The following GRIA3 variants were observed in gnomAD, a reference collection of about 807,000 sequenced individuals.
GRIA3 encodes glutamate ionotropic receptor AMPA type subunit 3.
GRIA3 carries 3 observed loss-of-function variants against 63.0 expected under a neutral mutation model. That is an observed-to-expected ratio of 0.05 (90% confidence interval 0.02 to 0.12). The LOEUF is 0.12. Among genes scored for constraint, GRIA3 ranks in the 10% least tolerant of loss-of-function variants. The probability of loss-of-function intolerance (pLI) is 1.00; values close to 1 mark genes in which losing one functional copy is unlikely to be tolerated. For missense variants in GRIA3, 347 were observed against 700.9 expected (o/e 0.50, Z 5.70); for synonymous variants, 274 against 257.9 (o/e 1.06, Z -0.60).
intron 3 of GRIA3, among the ~76,000 whole-genome samples, chrX:123,319,768 T>A (rs1173652904): frequency 1.9e-5 from 2 of 105,011 alleles, no homozygotes; most frequent in Non-Finnish European, 3.9e-5. Flanking sequence ...TCTTGAAACA[T>A]GCCTTTCTCA....
intron 2 of GRIA3, chrX:123,202,908 C>A: frequency 2.9e-6 from 2 of 698,391 alleles, no homozygotes; most frequent in Non-Finnish European, 4.2e-6. Context: ...AAATTCCAGG[C>A]AAGTCAAAGT....
At chrX:123,378,553 G>A (rs1366469261) in intron 5 of GRIA3, among the ~76,000 whole-genome samples, 1 of 109,411 alleles carries the variant, frequency 9.1e-6, no homozygotes, top group Non-Finnish European at 1.9e-5. Flanking sequence ...TGGGACTACA[G>A]GTGTGCACCA....
chrX:123,185,854 A>T lies in GRIA3; in HGVS notation c.132A>T (p.Thr44=), dbSNP rs1362682009. The change falls in exon 2 of 16, where the codon ACA becomes ACT. Residue 44 remains threonine, a synonymous_variant. Transcript: ENST00000620443. ...TAGGTGGACTTTTCATGAGAAACAC[A>T]GTGCAGGAGCACAGCGCTTTCCGCT... ...ISIGGLFMRN[T]VQEHSAFRFA... 1.7e-6 allele frequency: 2 copies of T among 1,210,610 alleles called. No individual in the cohort carries two copies. Among genetic ancestry groups the T allele is most frequent in the Admixed American group, 4.3e-5 (2 of 46,062 alleles).
intron 12 of GRIA3, among the ~76,000 whole-genome samples, chrX:123,430,054 C>G (rs1447817375): frequency 1.8e-5 from 2 of 111,867 alleles, no homozygotes; most frequent in African/African-American, 6.5e-5. Flanking sequence ...TATTCTGTGT[C>G]TTTCTCAAAA....
intron 12 of GRIA3, among the ~76,000 whole-genome samples, chrX:123,460,841 A>T (rs1329600706): frequency 3.6e-5 from 4 of 111,940 alleles, no homozygotes; most frequent in African/African-American, 1.3e-4. Flanking sequence ...TACAATGCTT[A>T]AAAATTGTCT....
chrX:123,379,457 T>C (rs1446889881), intron 5 of GRIA3, among the ~76,000 whole-genome samples: 1 of 110,187 alleles, frequency 9.1e-6, no homozygotes, highest in African/African-American at 3.3e-5. Context: ...TGCTCTCTTC[T>C]CTCTTACCAC....
At chrX:123,326,318 C>A in intron 4 of GRIA3, 105 bp downstream of exon 4, 12 of 545,693 alleles carry the variant, frequency 2.2e-5, no homozygotes, top group East Asian at 1.2e-4. Flanking sequence ...CTAAACGTGC[C>A]AACAGTTTTT....
intron 12 of GRIA3, among the ~76,000 whole-genome samples, chrX:123,446,535 T>C (rs746024853): frequency 2.7e-4 from 30 of 112,451 alleles, no homozygotes; most frequent in Non-Finnish European, 4.3e-4. Context: ...AGGAAGGCTC[T>C]TAATCAAATA....
In GRIA3 at chrX:123,230,308, G is replaced by A. The variant is rs541276326; in HGVS notation, c.269-22995G>A. ...GCAATTTTCCTAATTCACCCTTAAA[G>A]TCCTAATGGAAACTAACCCATCTTG... On this transcript the variant is annotated intron_variant, in intron 2 of 15. Coordinates refer to ENST00000620443, the MANE Select transcript of GRIA3 (RefSeq NM_007325.5). 1.0e-3 allele frequency among the ~76,000 whole-genome samples: 117 copies of A among 112,124 alleles called. 1 individual carries two copies. Among genetic ancestry groups the A allele is most frequent in the Middle Eastern group, 4.6e-3 (1 of 217 alleles).
At chrX:123,308,284 A>C (rs2044767816) in intron 3 of GRIA3, among the ~76,000 whole-genome samples, 1 of 111,978 alleles carries the variant, frequency 8.9e-6, no homozygotes, top group African/African-American at 3.2e-5. Context: ...TAAAATGTAC[A>C]TTCTGGTTCA....
intron 5 of GRIA3, among the ~76,000 whole-genome samples, chrX:123,377,208 G>T (rs5958234): frequency 0.21 from 22,655 of 110,489 alleles, 1,856 homozygotes; most frequent in African/African-American, 0.25. Flanking sequence ...AGTGCTGGTA[G>T]TACAGGCGTG....
intron 12 of GRIA3, among the ~76,000 whole-genome samples, chrX:123,451,507 A>T (rs961121951): frequency 1.9e-3 from 77 of 41,248 alleles, no homozygotes; most frequent in African/African-American, 8.0e-3. Context: ...TCTGTCTCTA[A>T]AAAAAAAAAA....
intron 2 of GRIA3, among the ~76,000 whole-genome samples, chrX:123,201,872 G>T (rs926964831): frequency 1.8e-5 from 2 of 111,574 alleles, no homozygotes; most frequent in African/African-American, 6.5e-5. Context: ...GTGATGGGTC[G>T]GGGGAGGATT....
chrX:123,287,266 G>A (rs904190977), intron 3 of GRIA3, among the ~76,000 whole-genome samples: 2 of 111,121 alleles, frequency 1.8e-5, no homozygotes, highest in African/African-American at 3.3e-5. Flanking sequence ...AGCATACATC[G>A]AAATAATAAG....
Position 123,464,297 on chromosome X carries a change from A to G in GRIA3, c.2077-568A>G, listed in dbSNP as rs758398297. Among the ~76,000 whole-genome samples, 3 of 111,615 alleles carry G rather than the reference A, an allele frequency of 2.7e-5. No homozygotes were observed. The South Asian group carries it at 1.1e-3, about 42-fold the overall frequency. On this transcript the variant is annotated intron_variant, in intron 12 of 15. Coordinates refer to ENST00000620443, the MANE Select transcript of GRIA3 (RefSeq NM_007325.5). ...ATATTCCTATGTAACACATCTGCAAATGTACCCCCTGTGTCTAAAATAAAA... is the reference window on the plus strand; with the variant it reads ...ATATTCCTATGTAACACATCTGCAAGTGTACCCCCTGTGTCTAAAATAAAA...
At chrX:123,305,132 A>C (rs1418572806) in intron 3 of GRIA3, among the ~76,000 whole-genome samples, 4 of 112,085 alleles carry the variant, frequency 3.6e-5, no homozygotes, top group Non-Finnish European at 7.5e-5. Flanking sequence ...TTGCTGGAGA[A>C]GCTTGCCTGA....
At chrX:123,274,366 T>C (rs573611360) in intron 3 of GRIA3, among the ~76,000 whole-genome samples, 30 of 111,576 alleles carry the variant, frequency 2.7e-4, no homozygotes, top group Middle Eastern at 4.6e-3. Flanking sequence ...ACCAATCCTA[T>C]AGCATGGAAC....
chrX:123,191,334 T>C lies in GRIA3; in HGVS notation c.268+5344T>C, dbSNP rs771418258. 6.3e-5 allele frequency among the ~76,000 whole-genome samples: 7 copies of C among 111,816 alleles called. No homozygotes were observed. In the South Asian group the frequency reaches 2.7e-3, roughly 42 times the overall value. ...TAAAACCCCAGGTGGGGGTGATAGG[T>C]ATTCTTCAGCAGCACTGTGGGAGTT... On this transcript the variant is annotated intron_variant, in intron 2 of 15. Transcript: ENST00000620443.
At chrX:123,286,242 C>A (rs113466627) in intron 3 of GRIA3, among the ~76,000 whole-genome samples, 1 of 111,616 alleles carries the variant, frequency 9.0e-6, no homozygotes, top group African/African-American at 3.3e-5. Context: ...CAGAATGTAC[C>A]AGCATCTCTG....
Sources: allele counts gnomAD v4.1 joint callset (sites outside exome capture counted in the v4.1 genomes callset), GRCh38; gene constraint gnomAD v4.1.1; transcripts MANE v1.5; gene names NCBI Gene and HGNC (gene_info 2026-07-23, HGNC 2026-07-21).